ADSS2: variants seen among roughly 807,000 people sequenced by gnomAD.
ADSS2 encodes the protein adenylosuccinate synthetase isozyme 2.
In ADSS2, 30 loss-of-function variants were observed where a neutral mutation model predicts 60.0. The ratio of observed to expected loss-of-function variants is 0.50; its 90% CI spans 0.37 to 0.68. The LOEUF (loss-of-function observed/expected upper bound fraction) is 0.68. Ranked by LOEUF, ADSS2 falls within the 30% of genes least tolerant of loss-of-function variation. The probability of loss-of-function intolerance (pLI) is 0.00; values close to 1 mark genes in which losing one functional copy is unlikely to be tolerated. For synonymous variants in ADSS2, 187 were observed against 193.1 expected (o/e 0.97, Z 0.26); for missense variants, 373 against 554.8 (o/e 0.67, Z 3.29).
At chr1:244,443,765 TG>T (rs1420671861) in intron 1 of ADSS2, among the ~76,000 whole-genome samples, 1 of 152,152 alleles carries the variant, frequency 6.6e-6, no homozygotes, top group Non-Finnish European at 1.5e-5. Flanking sequence ...ATTCCACAGA[TG>T]GGGAGGCCTA....
intron 4 of ADSS2, among the ~76,000 whole-genome samples, chr1:244,425,807 ATCTG>A (rs1664790383): frequency 6.6e-6 from 1 of 152,320 alleles, no homozygotes; most frequent in Non-Finnish European, 1.5e-5. Flanking sequence ...AGTAAGCAGT[ATCTG>A]TCTTAGTGCC....
At chr1:244,410,898 T>C (rs1029751457) in intron 12 of ADSS2, among the ~76,000 whole-genome samples, 16 of 152,316 alleles carry the variant, frequency 1.1e-4, no homozygotes, top group Non-Finnish European at 1.9e-4. Flanking sequence ...ATCTTTCCTT[T>C]ATTCTATTTC....
chr1:244,440,115 G>C (rs1324946521), intron 1 of ADSS2, among the ~76,000 whole-genome samples: 1 of 152,184 alleles, frequency 6.6e-6, no homozygotes, highest in Non-Finnish European at 1.5e-5. Context: ...CAGGTACTGT[G>C]ATTGCTCACC....
rs1222989578 is a variant in ADSS2, at chr1:244,409,354, G to C, written c.*232C>G. The C allele has an allele frequency of 4.9e-6, 2 of 405,784 alleles. No individual in the cohort carries two copies. Among genetic ancestry groups the C allele is most frequent in the South Asian group, 5.3e-5 (1 of 18,786 alleles). 25.1% of individuals were successfully genotyped at this position (405,784 alleles called of 1,614,324 possible). On this transcript the variant is annotated 3_prime_UTR_variant, in exon 13 of 13. Transcript: ENST00000366535. ...TGAAAAAAAAAACGTGGCACCATGAGAGCAGCAGGAGCAACAAATGATTTG... is the reference window on the plus strand; with the variant it reads ...TGAAAAAAAAAACGTGGCACCATGACAGCAGCAGGAGCAACAAATGATTTG...
intron 11 of ADSS2, among the ~76,000 whole-genome samples, chr1:244,415,143 T>A (rs1382567453): frequency 1.3e-5 from 2 of 152,228 alleles, no homozygotes; most frequent in Admixed American, 1.3e-4. Flanking sequence ...TGTTCTAGAG[T>A]ACATTACCAT....
chr1:244,416,582 A>G (rs1453525780), intron 10 of ADSS2, among the ~76,000 whole-genome samples: 1 of 152,114 alleles, frequency 6.6e-6, no homozygotes, highest in African/African-American at 2.4e-5. Context: ...TCGGCCTCCC[A>G]AAGTGCTGGG....
intron 3 of ADSS2, among the ~76,000 whole-genome samples, chr1:244,435,196 A>C (rs1411447823): frequency 3.8e-5 from 5 of 132,136 alleles, no homozygotes; most frequent in African/African-American, 8.3e-5. Flanking sequence ...AAAAAAAAAA[A>C]ACAAACCTGA....
At chr1:244,448,543 T>C (rs955689081) in intron 1 of ADSS2, among the ~76,000 whole-genome samples, 3 of 152,340 alleles carry the variant, frequency 2.0e-5, no homozygotes, top group South Asian at 2.1e-4. Flanking sequence ...TTCATGTGTG[T>C]CATTATAACC....
At chr1:244,416,703 A>C (rs1376163822) in intron 10 of ADSS2, among the ~76,000 whole-genome samples, 2 of 152,220 alleles carry the variant, frequency 1.3e-5, no homozygotes, top group East Asian at 3.8e-4. Flanking sequence ...TGGCCGTGGA[A>C]CACAGCAGAA....
chr1:244,417,298 C>T (rs1037752232), intron 10 of ADSS2, among the ~76,000 whole-genome samples: 1 of 152,190 alleles, frequency 6.6e-6, no homozygotes, highest in African/African-American at 2.4e-5. Flanking sequence ...TCACTAGGTA[C>T]ATCGCCTCCC....
rs1665116089 is a variant in ADSS2, at chr1:244,436,913, T to TC, written c.287-21dup. Reference sequence around the variant, plus strand: ...CATTTCCTAAAGGAAAACCAACAAATCCCAACGGTAAACATCTATAACTCA... The same window carrying TC: ...CATTTCCTAAAGGAAAACCAACAAATCCCCAACGGTAAACATCTATAACTCA... On this transcript the variant is annotated intron_variant, in intron 2 of 12. Coordinates refer to ENST00000366535, the MANE Select transcript of ADSS2 (RefSeq NM_001126.5). 1.2e-6 allele frequency: 2 copies of TC among 1,600,834 alleles called. No individual in the cohort carries two copies. The highest frequency in any genetic ancestry group is 1.7e-6 in the Non-Finnish European group (2 of 1,169,846).
chr1:244,447,783 C>T (rs992135959), intron 1 of ADSS2, among the ~76,000 whole-genome samples: 1 of 152,050 alleles, frequency 6.6e-6, no homozygotes, highest in East Asian at 1.9e-4. Context: ...ATTAAATTGT[C>T]CAGAGAGATG....
In ADSS2 at chr1:244,408,711, C is replaced by T. The variant is rs907307653; in HGVS notation, c.*875G>A. On this transcript the variant is annotated 3_prime_UTR_variant, in exon 13 of 13. Coordinates refer to ENST00000366535, the MANE Select transcript of ADSS2 (RefSeq NM_001126.5). ...CAACGTGGGTTCATTTTGACACTTA[C>T]AGATGATTCTGTAGGCATATCGGCA... is the stretch of plus-strand genomic sequence containing the variant. 11 of 151,650 alleles carry T rather than the reference C, an allele frequency of 7.3e-5. No homozygotes were observed. The highest frequency in any genetic ancestry group is 2.2e-4 in the African/African-American group (9 of 41,064). 9.4% of individuals were successfully genotyped at this position (151,650 alleles called of 1,614,324 possible).
At chr1:244,416,994 G>A (rs1263103249) in intron 10 of ADSS2, among the ~76,000 whole-genome samples, 1 of 152,118 alleles carries the variant, frequency 6.6e-6, no homozygotes, top group South Asian at 2.1e-4. Context: ...TTATTTACTG[G>A]AAGTTCAGTC....
rs12023515 is a variant in ADSS2, at chr1:244,434,537, C to T, written c.356-1942G>A. 4.5e-3 allele frequency among the ~76,000 whole-genome samples: 682 copies of T among 152,202 alleles called. 20 individuals carry two copies. In the East Asian group the frequency reaches 0.1, roughly 23 times the overall value. ...TTCCTTATAGATTAAGGAAGAGAAC[C>T]TCCTCGGTAATGTGCTAAAAGGTAA... On this transcript the variant is annotated intron_variant, in intron 3 of 12. Coordinates refer to ENST00000366535, the MANE Select transcript of ADSS2 (RefSeq NM_001126.5).
At chr1:244,445,265 A>C (rs1028730874) in intron 1 of ADSS2, among the ~76,000 whole-genome samples, 1 of 152,220 alleles carries the variant, frequency 6.6e-6, no homozygotes, top group Admixed American at 6.5e-5. Context: ...CAAATGATTC[A>C]CAAAAAAAAC....
chr1:244,417,651 A>C lies in ADSS2; in HGVS notation c.1047T>G (p.Ala349=). The part of the protein sequence containing the change: ...GWLDLVLLKY[A]HMINGFTALA... ...ACGCAGTAAATCCATTGATCATATG[A>C]GCATATTTGAGCAAAACGAGGTCCA... Residue 349 remains alanine (A), a synonymous_variant, in exon 10 of 13, where the codon GCT becomes GCG. Coordinates refer to ENST00000366535, the MANE Select transcript of ADSS2 (RefSeq NM_001126.5). 1 of 1,612,458 alleles carries C rather than the reference A, an allele frequency of 6.2e-7. No individual in the cohort carries two copies. The highest frequency in any genetic ancestry group is 1.1e-5 in the South Asian group (1 of 91,006).
chr1:244,425,420 G>C (rs1460198515), intron 4 of ADSS2, among the ~76,000 whole-genome samples: 1 of 152,152 alleles, frequency 6.6e-6, no homozygotes, highest in Non-Finnish European at 1.5e-5. Flanking sequence ...AAGTTGAAAT[G>C]TGTAGATGTT....
chr1:244,431,901 G>T (rs1664955180), intron 4 of ADSS2, among the ~76,000 whole-genome samples: 1 of 152,204 alleles, frequency 6.6e-6, no homozygotes, highest in African/African-American at 2.4e-5. Context: ...ATAGAGGCCA[G>T]TGTTAAAACT....
Sources: allele counts gnomAD v4.1 joint callset (sites outside exome capture counted in the v4.1 genomes callset), GRCh38; gene constraint gnomAD v4.1.1; transcripts MANE v1.5; gene names NCBI Gene and HGNC (gene_info 2026-07-23, HGNC 2026-07-21).